ATP8A2: variants seen among roughly 807,000 people sequenced by gnomAD.
ATP8A2 encodes the protein phospholipid-transporting ATPase IB.
In ATP8A2, 100 loss-of-function variants were observed where a neutral mutation model predicts 165.6. The observed-to-expected ratio is 0.60, with a 90% CI of 0.51 to 0.71. The LOEUF is 0.71. Among genes scored for constraint, ATP8A2 ranks in the 30% least tolerant of loss-of-function variants. ATP8A2 has a pLI of 0.00. For synonymous variants in ATP8A2, 543 were observed against 548.8 expected, an observed-to-expected ratio of 0.99 and a Z score of 0.15; for missense variants, 1,227 against 1,479.5, an observed-to-expected ratio of 0.83 and a Z score of 2.80.
At chr13:25,937,919 T>C (rs1294147877) in intron 33 of ATP8A2, among the ~76,000 whole-genome samples, 1 of 147,984 alleles carries the variant, frequency 6.8e-6, no homozygotes, top group East Asian at 2.0e-4. Flanking sequence ...ATGAAGAGTA[T>C]ATATCAAATA....
chr13:25,509,673 A>G (rs1437031866), intron 2 of ATP8A2, among the ~76,000 whole-genome samples: 4 of 152,294 alleles, frequency 2.6e-5, no homozygotes, highest in African/African-American at 9.6e-5. Context: ...CAAATTGTAT[A>G]CATGTTGTAT....
At chr13:25,814,234 A>G (rs913350606) in intron 27 of ATP8A2, among the ~76,000 whole-genome samples, 3 of 152,206 alleles carry the variant, frequency 2.0e-5, no homozygotes, top group Non-Finnish European at 2.9e-5. Flanking sequence ...TATAGTTTTA[A>G]TATTTATAAT....
intron 1 of ATP8A2, among the ~76,000 whole-genome samples, chr13:25,468,645 C>G (rs570717065): frequency 3.9e-5 from 6 of 152,120 alleles, no homozygotes; most frequent in Admixed American, 2.0e-4. Context: ...CACCCCGGCC[C>G]GACAAGCAGC....
chr13:25,936,775 G>A (rs1255476258), intron 33 of ATP8A2, among the ~76,000 whole-genome samples: 1 of 152,186 alleles, frequency 6.6e-6, no homozygotes, highest in Non-Finnish European at 1.5e-5. Context: ...TTTCTTCCTG[G>A]TCTGTTCTGG....
At chr13:25,713,240 C>A (rs1450510359) in intron 25 of ATP8A2, among the ~76,000 whole-genome samples, 1 of 152,156 alleles carries the variant, frequency 6.6e-6, no homozygotes, top group Non-Finnish European at 1.5e-5. Context: ...ACTTGAAAGG[C>A]ATTTTTTACA....
intron 24 of ATP8A2, among the ~76,000 whole-genome samples, chr13:25,617,736 A>G (rs984829783): frequency 2.0e-5 from 3 of 152,122 alleles, no homozygotes; most frequent in Admixed American, 6.5e-5. Flanking sequence ...ATTGTTTTCC[A>G]TGGTATTTCT....
intron 28 of ATP8A2, among the ~76,000 whole-genome samples, chr13:25,833,549 G>A (rs1480869058): frequency 1.3e-5 from 2 of 152,102 alleles, no homozygotes; most frequent in Non-Finnish European, 2.9e-5. Context: ...AGAGTCAGAT[G>A]TGTAATACAT....
At chr13:25,787,376 G>A (rs1412434820) in intron 27 of ATP8A2, among the ~76,000 whole-genome samples, 1 of 152,200 alleles carries the variant, frequency 6.6e-6, no homozygotes, top group Admixed American at 6.5e-5. Context: ...ATTCATCCAT[G>A]TCGTTGGATC....
chr13:25,884,130 T>C (rs1192418670), intron 33 of ATP8A2, among the ~76,000 whole-genome samples: 1 of 152,208 alleles, frequency 6.6e-6, no homozygotes, highest in Non-Finnish European at 1.5e-5. Context: ...GAATGGTTAA[T>C]GGAAGGACAG....
intron 23 of ATP8A2, among the ~76,000 whole-genome samples, chr13:25,582,740 A>G (rs1435128417): frequency 6.6e-6 from 1 of 152,210 alleles, no homozygotes; most frequent in African/African-American, 2.4e-5. Context: ...AGTCCTCTTC[A>G]GAGTAGTCTT....
chr13:25,859,588 GAA>G (rs1184733732), intron 30 of ATP8A2, among the ~76,000 whole-genome samples: 1 of 151,724 alleles, frequency 6.6e-6, no homozygotes, highest in African/African-American at 2.4e-5. Context: ...GAAAATATAG[GAA>G]AACTGAGGCT....
At chr13:25,726,064 G>C (rs1234765056) in intron 25 of ATP8A2, among the ~76,000 whole-genome samples, 2 of 152,118 alleles carry the variant, frequency 1.3e-5, no homozygotes, top group African/African-American at 4.8e-5. Context: ...AGAAAACGAA[G>C]GTGAAATATT....
At chr13:25,835,656 G>A (rs1378871139) in intron 28 of ATP8A2, among the ~76,000 whole-genome samples, 4 of 152,210 alleles carry the variant, frequency 2.6e-5, no homozygotes, top group African/African-American at 7.2e-5. Flanking sequence ...CATGTCCTGA[G>A]TTAAAATGAC....
At chr13:25,789,893 G>A (rs1265646415) in intron 27 of ATP8A2, among the ~76,000 whole-genome samples, 3 of 152,076 alleles carry the variant, frequency 2.0e-5, no homozygotes, top group African/African-American at 7.2e-5. Context: ...CAAAGACCAA[G>A]GGAACAGAAT....
chr13:26,020,915 G>C lies in ATP8A2; in HGVS notation c.*930G>C, dbSNP rs1957073065. 1 of 152,298 alleles carries C rather than the reference G, an allele frequency of 6.6e-6. No individual in the cohort carries two copies. The highest frequency in any genetic ancestry group is 1.5e-5 in the Non-Finnish European group (1 of 68,090). 9.4% of individuals were successfully genotyped at this position (152,298 alleles called of 1,614,324 possible). ...TGGGGCCACCCCACAGGTCAGAGTG[G>C]TGGTAGAACCCCTTCAGGACTCCCA... On this transcript the variant is annotated 3_prime_UTR_variant, in exon 37 of 37. Coordinates refer to ENST00000381655, the MANE Select transcript of ATP8A2 (RefSeq NM_016529.6).
intron 27 of ATP8A2, among the ~76,000 whole-genome samples, chr13:25,813,126 A>ATGGG (rs1950919213): frequency 6.6e-6 from 1 of 152,108 alleles, no homozygotes; most frequent in Non-Finnish European, 1.5e-5. Context: ...TGCCTAGGTA[A>ATGGG]TGGGTTGACA....
chr13:25,802,529 C>T (rs1950642666), intron 27 of ATP8A2, among the ~76,000 whole-genome samples: 1 of 152,190 alleles, frequency 6.6e-6, no homozygotes, highest in African/African-American at 2.4e-5. Flanking sequence ...GTTCACTGTG[C>T]TTGAGAACTT....
intron 25 of ATP8A2, among the ~76,000 whole-genome samples, chr13:25,707,990 C>T (rs2043087454): frequency 6.6e-6 from 1 of 152,228 alleles, no homozygotes; most frequent in Non-Finnish European, 1.5e-5. Flanking sequence ...CCTTGTGAGA[C>T]ACCAGAAGAG....
chr13:25,970,263 G>A (rs757301340), intron 35 of ATP8A2, among the ~76,000 whole-genome samples: 37 of 152,216 alleles, frequency 2.4e-4, no homozygotes, highest in Admixed American at 1.5e-3. Flanking sequence ...TTTACAGGAC[G>A]ACATCACATA....
Sources: gnomAD v4.1 joint callset for allele counts (sites outside exome capture counted in the v4.1 genomes callset) on GRCh38, gnomAD v4.1.1 for gene constraint, MANE v1.5 for transcripts, NCBI Gene and HGNC (gene_info 2026-07-23, HGNC 2026-07-21) for gene names.